The following CREB5 variants were observed in gnomAD, a reference collection of about 807,000 sequenced individuals.
CREB5 encodes cyclic AMP-responsive element-binding protein 5.
CREB5 carries 19 observed loss-of-function variants against 57.1 expected under a neutral mutation model. The ratio of observed to expected loss-of-function variants is 0.33; its 90% CI spans 0.23 to 0.49. CREB5 has a LOEUF of 0.49. Ranked by LOEUF, CREB5 falls within the 20% of genes least tolerant of loss-of-function variation. CREB5 has a pLI of 0.99. For missense variants in CREB5, 579 were observed against 671.6 expected (o/e 0.86, Z 1.52); for synonymous variants, 238 against 238.3 (o/e 1.00, Z 0.01).
At chr7:28,747,174 A>G (rs1804731431) in intron 7 of CREB5, among the ~76,000 whole-genome samples, 1 of 151,960 alleles carries the variant, frequency 6.6e-6, no homozygotes, top group Non-Finnish European at 1.5e-5. Context: ...ATGATGTTAT[A>G]CAAACAAGAA....
intron 1 of CREB5, among the ~76,000 whole-genome samples, chr7:28,316,019 C>A (rs569614495): frequency 2.0e-5 from 3 of 152,284 alleles, no homozygotes; most frequent in East Asian, 1.9e-4. Context: ...GTAAAAGAGA[C>A]CTTTTAATCT....
chr7:28,500,165 A>T (rs1447301439), intron 3 of CREB5, among the ~76,000 whole-genome samples: 1 of 152,250 alleles, frequency 6.6e-6, no homozygotes, highest in Non-Finnish European at 1.5e-5. Context: ...GAAGGGAGAT[A>T]ATAAATAACA....
intron 7 of CREB5, among the ~76,000 whole-genome samples, chr7:28,726,507 C>T (rs1003001318): frequency 2.6e-5 from 4 of 151,614 alleles, no homozygotes; most frequent in Admixed American, 6.6e-5. Context: ...AAAGCTTTTA[C>T]GAAATACAAA....
At chr7:28,532,830 C>T (rs558605532) in intron 4 of CREB5, among the ~76,000 whole-genome samples, 44 of 152,136 alleles carry the variant, frequency 2.9e-4, no homozygotes, top group Non-Finnish European at 5.3e-4. Context: ...GTTACTATAC[C>T]TCTCACCCTA....
intron 7 of CREB5, among the ~76,000 whole-genome samples, chr7:28,735,459 G>T (rs1221059519): frequency 6.6e-6 from 1 of 152,158 alleles, no homozygotes. Flanking sequence ...TATTTCCTCA[G>T]TCACTATGTA....
intron 1 of CREB5, among the ~76,000 whole-genome samples, chr7:28,350,672 G>A (rs1161659387): frequency 6.6e-6 from 1 of 152,128 alleles, no homozygotes; most frequent in African/African-American, 2.4e-5. Flanking sequence ...ATTTCATAGT[G>A]TGCGTAAGCA....
At chr7:28,329,239 C>T (rs1238097940) in intron 1 of CREB5, among the ~76,000 whole-genome samples, 4 of 152,208 alleles carry the variant, frequency 2.6e-5, no homozygotes, top group African/African-American at 7.2e-5. Context: ...GTCAAATCTA[C>T]GAGCTGAAAT....
intron 5 of CREB5, among the ~76,000 whole-genome samples, chr7:28,593,777 C>T (rs893105217): frequency 5.3e-5 from 8 of 152,224 alleles, no homozygotes; most frequent in Admixed American, 2.6e-4. Flanking sequence ...CTGCCTGCCA[C>T]ATTCCCCAGA....
chr7:28,695,941 G>GA (rs57192625), intron 5 of CREB5, among the ~76,000 whole-genome samples: 1 of 151,876 alleles, frequency 6.6e-6, no homozygotes, highest in Admixed American at 6.6e-5. Context: ...TTATGATTCT[G>GA]AAAAAAAAGA....
chr7:28,370,913 A>G (rs1786693728), intron 1 of CREB5, among the ~76,000 whole-genome samples: 1 of 152,250 alleles, frequency 6.6e-6, no homozygotes, highest in South Asian at 2.1e-4. Flanking sequence ...TGCAGGAAGC[A>G]GCAGTAAAAA....
chr7:28,590,436 C>A (rs1176475988), intron 5 of CREB5, among the ~76,000 whole-genome samples: 1 of 149,266 alleles, frequency 6.7e-6, no homozygotes, highest in African/African-American at 2.5e-5. Context: ...GGACAAAAAA[C>A]CAAACACCAC....
At chr7:28,585,423 T>A (rs73301185) in intron 5 of CREB5, among the ~76,000 whole-genome samples, 1,805 of 152,338 alleles carry the variant, frequency 0.012, 37 homozygotes, top group African/African-American at 0.04. Context: ...GCTTAATCAC[T>A]GAGAAATTTC....
At chr7:28,738,588 G>A (rs954170440) in intron 7 of CREB5, among the ~76,000 whole-genome samples, 47 of 152,302 alleles carry the variant, frequency 3.1e-4, no homozygotes, top group African/African-American at 1.1e-3. Flanking sequence ...TCATTGCAGT[G>A]AACTTTATCT....
At chr7:28,694,541 A>G (rs1177077681) in intron 5 of CREB5, among the ~76,000 whole-genome samples, 1 of 152,154 alleles carries the variant, frequency 6.6e-6, no homozygotes, top group Admixed American at 6.5e-5. Flanking sequence ...TAGAATAATC[A>G]TCTTATAATT....
At chr7:28,555,015 C>A (rs567843088) in intron 4 of CREB5, among the ~76,000 whole-genome samples, 1 of 152,252 alleles carries the variant, frequency 6.6e-6, no homozygotes, top group South Asian at 2.1e-4. Context: ...CAGTGTTCCT[C>A]CCCTCTCCTC....
intron 2 of CREB5, 57 bp downstream of exon 2, chr7:28,488,303 G>A: frequency 1.3e-6 from 2 of 1,528,132 alleles, no homozygotes; most frequent in Non-Finnish European, 1.8e-6. Flanking sequence ...CGAAAGGGAA[G>A]CAACTCTCAC....
intron 1 of CREB5, among the ~76,000 whole-genome samples, chr7:28,443,333 G>T (rs1789285859): frequency 6.6e-6 from 1 of 152,144 alleles, no homozygotes; most frequent in Non-Finnish European, 1.5e-5. Flanking sequence ...TTTTAATGTT[G>T]GGGGAAGCAG....
At chr7:28,700,864 G>A (rs1562581792) in intron 5 of CREB5, among the ~76,000 whole-genome samples, 1 of 151,794 alleles carries the variant, frequency 6.6e-6, no homozygotes, top group Non-Finnish European at 1.5e-5. Context: ...GCTGCCCTGC[G>A]TGTAGGCATC....
intron 4 of CREB5, among the ~76,000 whole-genome samples, chr7:28,560,819 T>TGCGTGTGTGTGTGCGTGTGC (rs1339266647): frequency 4.8e-5 from 3 of 62,418 alleles, no homozygotes; most frequent in Non-Finnish European, 7.2e-5. Flanking sequence ...CGTGTGTGTG[T>TGCGTGTGTGTGTGCGTGTGC]GTGCGCGCGC....
Sources: allele counts gnomAD v4.1 joint callset (sites outside exome capture counted in the v4.1 genomes callset), GRCh38; gene constraint gnomAD v4.1.1; transcripts MANE v1.5; gene names NCBI Gene and HGNC (gene_info 2026-07-23, HGNC 2026-07-21).